Variants in ADGRF5 observed in about 807,000 individuals in gnomAD.
ADGRF5 encodes G-protein coupled receptor 116.
Under a neutral mutation model 132.3 loss-of-function variants are expected in ADGRF5, and 75 were observed. The observed-to-expected ratio is 0.57, with a 90% CI of 0.47 to 0.69. The LOEUF is 0.69. Among genes scored for constraint, ADGRF5 ranks in the 30% least tolerant of loss-of-function variants. The probability of loss-of-function intolerance (pLI) is 0.00; values close to 1 mark genes in which losing one functional copy is unlikely to be tolerated. For synonymous variants in ADGRF5, 629 were observed against 597.6 expected, an observed-to-expected ratio of 1.05 and a Z score of -0.77; for missense variants, 1,516 against 1,630.6, an observed-to-expected ratio of 0.93 and a Z score of 1.21.
At chr6:46,893,265 A>G (rs923339837) in intron 3 of ADGRF5, among the ~76,000 whole-genome samples, 2 of 151,966 alleles carry the variant, frequency 1.3e-5, no homozygotes, top group East Asian at 1.9e-4. Context: ...GATGCCCTCA[A>G]TCCCCCAGTA....
chr6:46,922,352 T>C (rs1177422264), upstream of ADGRF5, among the ~76,000 whole-genome samples: 1 of 152,178 alleles, frequency 6.6e-6, no homozygotes. Flanking sequence ...AGAAGTTGCT[T>C]AGTCCTCCCC....
chr6:46,886,215 T>G (rs1773056411), intron 4 of ADGRF5, among the ~76,000 whole-genome samples: 1 of 152,192 alleles, frequency 6.6e-6, no homozygotes. Flanking sequence ...AAATAGTTGT[T>G]TCTGAAATAG....
At position 46,905,993 on chromosome 6, in the gene ADGRF5, C is replaced by A. The variant is rs530474804; in HGVS notation, c.102+668G>T. ...AGAATTACATCAGTCTTCAAAGATT[C>A]CCAACCAGTAACATGCCCTGTCTCT... On this transcript the variant is annotated intron_variant, in intron 2 of 20. Transcript: ENST00000283296. Among the ~76,000 whole-genome samples the A allele has an allele frequency of 3.3e-5, 5 of 152,236 alleles. No individual in the cohort carries two copies. In the East Asian group the frequency reaches 9.7e-4, roughly 29 times the overall value.
At chr6:46,864,678 C>T (rs1375646098) in intron 14 of ADGRF5, among the ~76,000 whole-genome samples, 1 of 152,058 alleles carries the variant, frequency 6.6e-6, no homozygotes, top group African/African-American at 2.4e-5. Flanking sequence ...GTGCATGCTC[C>T]CATGCCTGGC....
At chr6:46,885,566 T>G (rs546799872) in intron 4 of ADGRF5, among the ~76,000 whole-genome samples, 7 of 152,346 alleles carry the variant, frequency 4.6e-5, no homozygotes, top group Admixed American at 1.3e-4. Flanking sequence ...CAAATTAAAG[T>G]GAGACCCTCT....
At chr6:46,887,402 T>C (rs1289408239) in intron 4 of ADGRF5, among the ~76,000 whole-genome samples, 1 of 152,154 alleles carries the variant, frequency 6.6e-6, no homozygotes, top group Non-Finnish European at 1.5e-5. Flanking sequence ...CAGCAGAAGT[T>C]CACTGCTCCT....
Position 46,860,803 on chromosome 6 carries a change from C to T in ADGRF5, c.2291G>A (p.Ser764Asn). The part of the protein sequence containing the change: ...ISIDKAEHEI[S>N]SSPGSLGAII... ...GGCTCCCAGACTCCCAGGAGAAGAG[C>T]TGATTTCATGTTCCGCTTTGTCTAT... Residue 764 changes from serine to asparagine, a missense_variant, in exon 16 of 21, where the codon AGC (serine) becomes AAC (asparagine). Ser to Asn is a conservative substitution (Grantham distance 46). Around this residue, in one of 2 missense-constraint regions of ADGRF5, gnomAD observed 945 missense variants for 929.4 expected, o/e 1.02. Transcript: ENST00000283296. 1 of 1,613,566 alleles carries T rather than the reference C, an allele frequency of 6.2e-7. No homozygotes were observed. Among genetic ancestry groups the T allele is most frequent in the Non-Finnish European group, 8.5e-7 (1 of 1,179,454 alleles).
intron 1 of ADGRF5, among the ~76,000 whole-genome samples, chr6:46,914,900 G>A (rs1776298474): frequency 6.6e-6 from 1 of 151,776 alleles, no homozygotes; most frequent in African/African-American, 2.4e-5. Context: ...GAGACACCCT[G>A]GCTGGAGTGC....
At chr6:46,858,017 G>A in intron 17 of ADGRF5, 112 bp downstream of exon 17, 1 of 753,580 alleles carries the variant, frequency 1.3e-6, no homozygotes, top group Non-Finnish European at 2.2e-6. Context: ...TTAGAGCTGA[G>A]GCTTCCTCTG....
At chr6:46,942,495 A>T (rs1453750050) in intron 1 of ADGRF5, among the ~76,000 whole-genome samples, 1 of 152,204 alleles carries the variant, frequency 6.6e-6, no homozygotes, top group Non-Finnish European at 1.5e-5. Flanking sequence ...TAAGTTACTT[A>T]ATCTCTCTGA....
chr6:46,870,279 A>G (rs186142124), intron 11 of ADGRF5, among the ~76,000 whole-genome samples: 1 of 152,224 alleles, frequency 6.6e-6, no homozygotes, highest in Non-Finnish European at 1.5e-5. Flanking sequence ...CAGCCTCCCA[A>G]GAAGCTAGGA....
upstream of ADGRF5, among the ~76,000 whole-genome samples, chr6:46,924,301 G>A (rs964202772): frequency 1.3e-5 from 2 of 152,152 alleles, no homozygotes; most frequent in East Asian, 3.9e-4. Context: ...TTACCACACT[G>A]CATTCAAACA....
At chr6:46,882,002 TG>T (rs1338615360) in intron 7 of ADGRF5, 46 bp downstream of exon 7, 1 of 1,351,554 alleles carries the variant, frequency 7.4e-7, no homozygotes, top group South Asian at 1.2e-5. Context: ...CACTACCATA[TG>T]GATCCCAGCC....
At chr6:46,933,101 C>T (rs1561832827) in intron 1 of ADGRF5, among the ~76,000 whole-genome samples, 1 of 152,174 alleles carries the variant, frequency 6.6e-6, no homozygotes, top group African/African-American at 2.4e-5. Flanking sequence ...TGAAGTTCAA[C>T]TCCTTGGGGA....
intron 19 of ADGRF5, among the ~76,000 whole-genome samples, chr6:46,856,484 G>A (rs945276450): frequency 4.6e-5 from 7 of 152,134 alleles, no homozygotes; most frequent in Admixed American, 3.3e-4. Context: ...ATGTGGAGTA[G>A]CATCTCAATG....
At chr6:46,949,384 A>G (rs1402536533) in intron 1 of ADGRF5, among the ~76,000 whole-genome samples, 3 of 152,204 alleles carry the variant, frequency 2.0e-5, no homozygotes, top group African/African-American at 7.2e-5. Flanking sequence ...GTGGTTGCTG[A>G]TGTGTATAGG....
At chr6:46,870,472 T>C (rs1307371921) in intron 11 of ADGRF5, among the ~76,000 whole-genome samples, 1 of 152,140 alleles carries the variant, frequency 6.6e-6, no homozygotes, top group Non-Finnish European at 1.5e-5. Flanking sequence ...AAAATCTTAT[T>C]CTTAATCATA....
At chr6:46,880,172 G>C in intron 8 of ADGRF5, 133 bp from the exon 9 acceptor site, 1 of 659,738 alleles carries the variant, frequency 1.5e-6, no homozygotes, top group Non-Finnish European at 2.7e-6. Flanking sequence ...CTGAGGCAAT[G>C]TGTCTCCTCA....
intron 1 of ADGRF5, among the ~76,000 whole-genome samples, chr6:46,952,668 G>A (rs893566270): frequency 2.0e-5 from 3 of 152,152 alleles, no homozygotes; most frequent in African/African-American, 7.2e-5. Context: ...CTGATAATTA[G>A]GGTTTTTCAG....
Sources: allele counts gnomAD v4.1 joint callset (sites outside exome capture counted in the v4.1 genomes callset), GRCh38; gene constraint gnomAD v4.1.1; regional missense constraint gnomAD v4.1.1; transcripts MANE v1.5; gene names NCBI Gene and HGNC (gene_info 2026-07-23, HGNC 2026-07-21).